The following FGF14 variants were observed in gnomAD, a reference collection of about 807,000 sequenced individuals.
The protein encoded by FGF14 is fibroblast growth factor homologous factor 4.
Under a neutral mutation model 25.5 loss-of-function variants are expected in FGF14, and 5 were observed. The observed-to-expected ratio is 0.20, with a 90% CI of 0.10 to 0.41. The LOEUF is 0.41. Among genes scored for constraint, FGF14 ranks in the 10% least tolerant of loss-of-function variants. The pLI is 1.00. For synonymous variants in FGF14, 138 were observed against 118.3 expected (o/e 1.17, Z -1.08); for missense variants, 222 against 320.1 (o/e 0.69, Z 2.34).
chr13:102,046,850 A>T (rs2042006827), intron 1 of FGF14, among the ~76,000 whole-genome samples: 1 of 152,198 alleles, frequency 6.6e-6, no homozygotes, highest in African/African-American at 2.4e-5. Flanking sequence ...AATTTAGTTT[A>T]GAATAAATGT....
intron 1 of FGF14, among the ~76,000 whole-genome samples, chr13:102,264,641 CA>C (rs2052895608): frequency 2.9e-5 from 3 of 104,468 alleles, no homozygotes; most frequent in Non-Finnish European, 4.7e-5. Context: ...ACAGAAACCA[CA>C]AAGGATAGTA....
intron 1 of FGF14, among the ~76,000 whole-genome samples, chr13:102,010,877 A>T (rs1245412070): frequency 6.6e-6 from 1 of 152,204 alleles, no homozygotes; most frequent in African/African-American, 2.4e-5. Flanking sequence ...GTGGGTAGGG[A>T]TGAAGGATGA....
At chr13:102,342,240 C>T (rs938885832) in intron 1 of FGF14, among the ~76,000 whole-genome samples, 2 of 152,122 alleles carry the variant, frequency 1.3e-5, no homozygotes, top group Non-Finnish European at 1.5e-5. Context: ...TAAGCGGTGG[C>T]ATAACTCCCA....
At chr13:102,184,593 A>G (rs2048804652) in intron 1 of FGF14, among the ~76,000 whole-genome samples, 1 of 152,218 alleles carries the variant, frequency 6.6e-6, no homozygotes, top group African/African-American at 2.4e-5. Flanking sequence ...AGAAATGACT[A>G]GTAAATACGA....
intron 1 of FGF14, chr13:102,394,417 C>CG (rs1015796398): frequency 6.6e-6 from 1 of 152,452 alleles, no homozygotes; most frequent in Non-Finnish European, 1.5e-5. Flanking sequence ...CCGGCCACCA[C>CG]GGAAGAGCGA....
intron 1 of FGF14, among the ~76,000 whole-genome samples, chr13:102,090,681 G>A (rs1276426862): frequency 6.6e-6 from 1 of 152,154 alleles, no homozygotes; most frequent in African/African-American, 2.4e-5. Context: ...TCAGAAGTAG[G>A]GCTACGAAGC....
intron 1 of FGF14, among the ~76,000 whole-genome samples, chr13:102,138,154 C>A (rs969038673): frequency 6.9e-6 from 1 of 145,388 alleles, no homozygotes; most frequent in African/African-American, 2.5e-5. Flanking sequence ...TCAGACAAAG[C>A]CTTACCCACT....
intron 1 of FGF14, among the ~76,000 whole-genome samples, chr13:102,009,443 A>AC (rs1794091468): frequency 6.6e-6 from 1 of 152,136 alleles, no homozygotes; most frequent in Admixed American, 6.5e-5. Flanking sequence ...TTGTGGTTTC[A>AC]CTGTGCATTG....
At chr13:102,192,007 C>A (rs1440700344) in intron 1 of FGF14, among the ~76,000 whole-genome samples, 1 of 152,170 alleles carries the variant, frequency 6.6e-6, no homozygotes, top group Non-Finnish European at 1.5e-5. Flanking sequence ...CATTTAATGC[C>A]ATTTATTCTA....
chr13:102,137,687 T>A (rs973594618), intron 1 of FGF14, among the ~76,000 whole-genome samples: 1 of 152,136 alleles, frequency 6.6e-6, no homozygotes, highest in Non-Finnish European at 1.5e-5. Flanking sequence ...TTTGAATGAA[T>A]TGTAGTCATG....
chr13:102,401,621 G>A (rs2058704742), exon 1 of FGF14: 1 of 1,614,122 alleles, frequency 6.2e-7, no homozygotes, highest in African/African-American at 1.3e-5. Context: ...AGATCCTTGT[G>A]GTTGCATAAT....
At chr13:102,153,586 GTTTAT>G (rs766123464) in intron 1 of FGF14, among the ~76,000 whole-genome samples, 3 of 151,860 alleles carry the variant, frequency 2.0e-5, no homozygotes, top group South Asian at 2.1e-4. Flanking sequence ...TGAGAATTTT[GTTTAT>G]TTTATTTTTA....
intron 1 of FGF14, among the ~76,000 whole-genome samples, chr13:102,247,629 A>C (rs2051945252): frequency 6.6e-6 from 1 of 152,198 alleles, no homozygotes; most frequent in Admixed American, 6.6e-5. Context: ...GAATGCTTAT[A>C]CACTGTTGGA....
chr13:102,299,987 T>C (rs752479910), intron 1 of FGF14: 3 of 152,178 alleles, frequency 2.0e-5, no homozygotes, highest in African/African-American at 7.2e-5. Context: ...GTGTATTTCA[T>C]CATTCGTGTG....
At chr13:102,384,642 TATG>T (rs2058260387) in intron 1 of FGF14, among the ~76,000 whole-genome samples, 1 of 152,192 alleles carries the variant, frequency 6.6e-6, no homozygotes, top group African/African-American at 2.4e-5. Flanking sequence ...AAGATTACTC[TATG>T]ATATTACTGT....
chr13:101,996,307 T>C (rs2039183330), intron 1 of FGF14, among the ~76,000 whole-genome samples: 1 of 152,086 alleles, frequency 6.6e-6, no homozygotes, highest in Non-Finnish European at 1.5e-5. Flanking sequence ...CTCAGTAGAT[T>C]GTGTTGAGCA....
At chr13:102,395,187 G>A (rs1304944376) in intron 1 of FGF14, 1 of 152,222 alleles carries the variant, frequency 6.6e-6, no homozygotes, top group Non-Finnish European at 1.5e-5. Flanking sequence ...CTTTACTAAT[G>A]AGAGTTCCAG....
At chr13:101,903,364 G>A (rs994184358) in intron 1 of FGF14, among the ~76,000 whole-genome samples, 1 of 151,988 alleles carries the variant, frequency 6.6e-6, no homozygotes, top group Non-Finnish European at 1.5e-5. Context: ...TTTGCACCTA[G>A]TGTGACTGCT....
intron 2 of FGF14, among the ~76,000 whole-genome samples, chr13:101,874,746 T>G (rs2045302728): frequency 6.6e-6 from 1 of 152,264 alleles, no homozygotes; most frequent in Non-Finnish European, 1.5e-5. Context: ...ATTATATTTC[T>G]ATTATGTAAA....
Sources: allele counts gnomAD v4.1 joint callset (sites outside exome capture counted in the v4.1 genomes callset), GRCh38; gene constraint gnomAD v4.1.1; transcripts MANE v1.5; gene names NCBI Gene and HGNC (gene_info 2026-07-23, HGNC 2026-07-21).